ARID1B: variants seen among roughly 807,000 people sequenced by gnomAD.
The protein encoded by ARID1B is AT-rich interactive domain-containing protein 1B.
Under a neutral mutation model 212.3 loss-of-function variants are expected in ARID1B, and 30 were observed. That is an observed-to-expected ratio of 0.14 (90% CI 0.11 to 0.19). The LOEUF is 0.19. Among genes scored for constraint, ARID1B ranks in the 10% least tolerant of loss-of-function variants. ARID1B has a pLI of 1.00. For missense variants in ARID1B, 2,891 were observed against 3,204.0 expected (o/e 0.90, Z 2.36); for synonymous variants, 1,402 against 1,301.7 (o/e 1.08, Z -1.66).
intron 4 of ARID1B, among the ~76,000 whole-genome samples, chr6:156,951,861 G>A (rs1019824326): frequency 5.9e-5 from 9 of 152,100 alleles, no homozygotes; most frequent in Non-Finnish European, 1.3e-4. Flanking sequence ...CAAAATATGA[G>A]TTTTTAATAT....
At chr6:156,858,996 A>G (rs1167641096) in intron 2 of ARID1B, among the ~76,000 whole-genome samples, 1 of 152,190 alleles carries the variant, frequency 6.6e-6, no homozygotes, top group Non-Finnish European at 1.5e-5. Flanking sequence ...TACTGTAGAC[A>G]TTATCAACCC....
intron 4 of ARID1B, among the ~76,000 whole-genome samples, chr6:157,039,658 C>CTTCTTTCT (rs1562569075): frequency 4.1e-4 from 21 of 51,316 alleles, no homozygotes; most frequent in African/African-American, 3.0e-3. Context: ...TCCTTCCTTC[C>CTTCTTTCT]TTCCTTCCTT....
chr6:157,179,038 T>A lies in ARID1B; in HGVS notation c.3505-1931T>A, dbSNP rs542620117. 5.3e-5 allele frequency among the ~76,000 whole-genome samples: 8 copies of A among 152,336 alleles called. No individual in the cohort carries two copies. The East Asian group carries it at 1.5e-3, about 29-fold the overall frequency. On this transcript the variant is annotated intron_variant, in intron 11 of 19. Coordinates refer to ENST00000636930, the MANE Select transcript of ARID1B (RefSeq NM_001374828.1). ...ACTGAATCTCAAACTTTTACCTCAG[T>A]TTTTTACAAATAAAATGCAAGAGGG... is the stretch of plus-strand genomic sequence containing the variant.
intron 4 of ARID1B, among the ~76,000 whole-genome samples, chr6:157,066,366 C>T (rs1284903951): frequency 6.6e-6 from 1 of 152,144 alleles, no homozygotes; most frequent in Non-Finnish European, 1.5e-5. Flanking sequence ...TACTATTCTT[C>T]CTTCTGTAAT....
intron 4 of ARID1B, 196 bp downstream of exon 4, chr6:156,935,772 A>G: frequency 1.9e-6 from 1 of 519,918 alleles, no homozygotes; most frequent in Non-Finnish European, 3.5e-6. Context: ...TCATGTGTAT[A>G]TATCTCTGTT....
chr6:157,076,424 G>A (rs1784313972), intron 4 of ARID1B, among the ~76,000 whole-genome samples: 1 of 151,670 alleles, frequency 6.6e-6, no homozygotes, highest in South Asian at 2.1e-4. Context: ...CTGGGATCAA[G>A]CAATATTCCT....
chr6:157,145,013 G>A (rs963710255), intron 7 of ARID1B, among the ~76,000 whole-genome samples: 2 of 152,152 alleles, frequency 1.3e-5, no homozygotes, highest in African/African-American at 4.8e-5. Context: ...GTGGCCCAGC[G>A]CACCCGAGGT....
intron 4 of ARID1B, among the ~76,000 whole-genome samples, chr6:156,972,922 C>T (rs987416857): frequency 3.3e-5 from 5 of 152,170 alleles, no homozygotes; most frequent in African/African-American, 9.7e-5. Flanking sequence ...GTTAAAAAGT[C>T]ATTTCAAGTG....
At chr6:157,131,604 G>A (rs1788553038) in intron 6 of ARID1B, among the ~76,000 whole-genome samples, 1 of 152,222 alleles carries the variant, frequency 6.6e-6, no homozygotes, top group South Asian at 2.1e-4. Context: ...AGGGAGAAAG[G>A]CAGCAGCCAG....
intron 4 of ARID1B, among the ~76,000 whole-genome samples, chr6:157,015,191 AG>A (rs1486819714): frequency 2.0e-5 from 3 of 152,258 alleles, no homozygotes; most frequent in Non-Finnish European, 4.4e-5. Context: ...GGAGATATAA[AG>A]AAACACCAGG....
intron 4 of ARID1B, among the ~76,000 whole-genome samples, chr6:156,968,731 C>T (rs1776709451): frequency 6.6e-6 from 1 of 152,230 alleles, no homozygotes; most frequent in South Asian, 2.1e-4. Context: ...CTAGCTCTGT[C>T]ACCTGAGCAA....
At chr6:156,830,430 A>G (rs992721972) in intron 2 of ARID1B, among the ~76,000 whole-genome samples, 5 of 152,130 alleles carry the variant, frequency 3.3e-5, no homozygotes, top group Admixed American at 2.6e-4. Flanking sequence ...AGATATGACT[A>G]CTGTTCTCTC....
intron 4 of ARID1B, among the ~76,000 whole-genome samples, chr6:157,031,923 A>T (rs183753001): frequency 6.6e-6 from 1 of 152,022 alleles, no homozygotes; most frequent in South Asian, 2.1e-4. Context: ...CAGCCTCCCA[A>T]GTAGCTGGGA....
intron 4 of ARID1B, among the ~76,000 whole-genome samples, chr6:156,959,450 A>AT (rs1794204966): frequency 6.6e-6 from 1 of 151,928 alleles, no homozygotes; most frequent in Non-Finnish European, 1.5e-5. Context: ...TTTATCTGCT[A>AT]TTGGTGGAGT....
chr6:157,105,986 T>G (rs1275549888), intron 5 of ARID1B, among the ~76,000 whole-genome samples: 1 of 152,124 alleles, frequency 6.6e-6, no homozygotes, highest in Non-Finnish European at 1.5e-5. Flanking sequence ...CTTGTAGCAA[T>G]GTAAATTGGT....
chr6:156,987,736 C>T (rs1209500247), intron 4 of ARID1B, among the ~76,000 whole-genome samples: 1 of 152,166 alleles, frequency 6.6e-6, no homozygotes, highest in Non-Finnish European at 1.5e-5. Context: ...AATATATTCT[C>T]ATACTTGATA....
At position 156,886,628 on chromosome 6, in the gene ARID1B, C is replaced by T. The variant is rs188510325; in HGVS notation, c.1987-14748C>T. On this transcript the variant is annotated intron_variant, in intron 2 of 19. Transcript: ENST00000636930. Reference sequence around the variant, plus strand: ...CGTGGGAGAGTGGAGTGAGCACTTCCGTTTGTGACTACTGGGTGAAATTAT... The same window carrying T: ...CGTGGGAGAGTGGAGTGAGCACTTCTGTTTGTGACTACTGGGTGAAATTAT... Among the ~76,000 whole-genome samples the T allele has an allele frequency of 9.9e-5, 15 of 152,230 alleles. No individual in the cohort carries two copies. In the South Asian group the frequency reaches 1.7e-3, roughly 17 times the overall value.
rs1315757941 is a variant in ARID1B, at chr6:156,779,002, A to C, written c.1322A>C (p.Tyr441Ser). 2 of 1,256,014 alleles carry C rather than the reference A, an allele frequency of 1.6e-6. No individual in the cohort carries two copies. The highest frequency in any genetic ancestry group is 6.6e-5 in the East Asian group (2 of 30,136). 77.8% of individuals were successfully genotyped at this position (1,256,014 alleles called of 1,614,324 possible). A position where few individuals can be genotyped will look rare whatever the true frequency, so the allele number is the denominator to read the frequency against. Residue 441 changes from tyrosine (Y) to serine (S), a missense_variant, in exon 1 of 20, where the codon TAT (tyrosine) becomes TCT (serine). Around this residue, in one of 7 missense-constraint regions of ARID1B, gnomAD observed 1,643 missense variants for 1,544.0 expected, o/e 1.06. Coordinates refer to ENST00000636930, the MANE Select transcript of ARID1B (RefSeq NM_001374828.1). Reference protein sequence around the residue: ...AAAGGGGGGGYGGSSAGYGVL... With the variant: ...AAAGGGGGGGSGGSSAGYGVL... ...GCAGGAGGCGGCGGCGGCGGCGGCT[A>C]TGGGGGCTCGTCCGCGGGGTACGGG...
chr6:157,059,980 A>G (rs1228825043), intron 4 of ARID1B, among the ~76,000 whole-genome samples: 2 of 152,240 alleles, frequency 1.3e-5, no homozygotes, highest in African/African-American at 4.8e-5. Context: ...TCTTGTGGGC[A>G]GCGTGTCAAG....
Sources: gnomAD v4.1 joint callset for allele counts (sites outside exome capture counted in the v4.1 genomes callset) on GRCh38, gnomAD v4.1.1 for gene constraint, gnomAD v4.1.1 regional missense constraint, MANE v1.5 for transcripts, NCBI Gene and HGNC (gene_info 2026-07-23, HGNC 2026-07-21) for gene names.